The following ADGRD1 variants were observed in gnomAD, a reference collection of about 807,000 sequenced individuals.
ADGRD1 encodes the protein G-protein coupled receptor 133.
ADGRD1 carries 77 observed loss-of-function variants against 113.4 expected under a neutral mutation model. The ratio of observed to expected loss-of-function variants is 0.68; its 90% CI spans 0.57 to 0.82. ADGRD1 has a LOEUF of 0.82. Among genes scored for constraint, ADGRD1 ranks in the 40% least tolerant of loss-of-function variants. The pLI is 0.00. For missense variants in ADGRD1, 1,036 were observed against 1,139.1 expected (o/e 0.91, Z 1.30); for synonymous variants, 474 against 475.0 (o/e 1.00, Z 0.03).
chr12:131,017,298 CACACACACCCA>C (rs1878688007), intron 13 of ADGRD1, among the ~76,000 whole-genome samples: 1 of 148,562 alleles, frequency 6.7e-6, no homozygotes, highest in Non-Finnish European at 1.5e-5. Flanking sequence ...GCACACAGTC[CACACACACCCA>C]GTCCACACAC....
chr12:131,031,266 C>G (rs930839171), intron 13 of ADGRD1, among the ~76,000 whole-genome samples: 2 of 152,198 alleles, frequency 1.3e-5, no homozygotes, highest in Non-Finnish European at 2.9e-5. Flanking sequence ...TCTGGGGCAG[C>G]CTTGGGTACT....
intron 13 of ADGRD1, among the ~76,000 whole-genome samples, chr12:131,066,553 C>T (rs1566078746): frequency 6.6e-6 from 1 of 152,348 alleles, no homozygotes; most frequent in East Asian, 1.9e-4. Flanking sequence ...TGCCTGCCCC[C>T]GTTCAGGCTG....
At chr12:131,018,675 G>A (rs185280840) in intron 13 of ADGRD1, among the ~76,000 whole-genome samples, 1 of 152,338 alleles carries the variant, frequency 6.6e-6, no homozygotes, top group Non-Finnish European at 1.5e-5. Flanking sequence ...GGAGGGTTTT[G>A]CCTTTTACAC....
At chr12:131,046,952 TCCTCCCTGGTCAATGCTC>T (rs1177667391) in intron 13 of ADGRD1, among the ~76,000 whole-genome samples, 16 of 136,852 alleles carry the variant, frequency 1.2e-4, no homozygotes, top group African/African-American at 3.9e-4. Flanking sequence ...CTGGTCAGTG[TCCTCCCTGGTCAATGCTC>T]CCTCCCTGGT....
At chr12:130,982,186 G>A (rs1016125478) in intron 5 of ADGRD1, 123 bp downstream of exon 5, 143 of 821,308 alleles carry the variant, frequency 1.7e-4, no homozygotes, top group Middle Eastern at 3.8e-4. Flanking sequence ...CCTGGCACCC[G>A]AGCTCCTTTC....
At chr12:131,031,177 G>A (rs1264190656) in intron 13 of ADGRD1, among the ~76,000 whole-genome samples, 2 of 152,194 alleles carry the variant, frequency 1.3e-5, no homozygotes, top group African/African-American at 2.4e-5. Flanking sequence ...GGGTCCTGTC[G>A]AAGCTGCTCC....
intron 13 of ADGRD1, among the ~76,000 whole-genome samples, chr12:131,031,486 C>T (rs975147795): frequency 3.9e-5 from 6 of 152,164 alleles, no homozygotes; most frequent in African/African-American, 9.6e-5. Context: ...GCGGTTCTGT[C>T]GACGAGTCAC....
intron 3 of ADGRD1, chr12:130,967,078 C>G (rs1403333011): frequency 4.4e-6 from 2 of 454,768 alleles, no homozygotes; most frequent in African/African-American, 2.0e-5. Flanking sequence ...CGTCTGTTTT[C>G]TACGTTGAAT....
chr12:131,017,570 CCA>C (rs956743673), intron 13 of ADGRD1, among the ~76,000 whole-genome samples: 27 of 147,366 alleles, frequency 1.8e-4, no homozygotes, highest in African/African-American at 6.5e-4. Flanking sequence ...CACACTCAGT[CCA>C]CACACACTCA....
At chr12:131,082,437 G>A (rs537676202) in intron 14 of ADGRD1, among the ~76,000 whole-genome samples, 1 of 152,252 alleles carries the variant, frequency 6.6e-6, no homozygotes, top group South Asian at 2.1e-4. Flanking sequence ...CTACTCCTCT[G>A]GCTAACTAGG....
At chr12:131,026,543 T>C (rs1210313622) in intron 13 of ADGRD1, 2 of 152,246 alleles carry the variant, frequency 1.3e-5, no homozygotes, top group Admixed American at 1.3e-4. Context: ...TTCCCAGGCA[T>C]AGAGTGGAAT....
chr12:131,068,307 C>T (rs947752254), intron 13 of ADGRD1, among the ~76,000 whole-genome samples: 16 of 152,168 alleles, frequency 1.1e-4, no homozygotes, highest in Non-Finnish European at 2.2e-4. Context: ...CTGGAATGGT[C>T]AACTCTGGGC....
At chr12:131,101,377 C>CTTTCTTTTTTTTT (rs1950076237) in intron 15 of ADGRD1, among the ~76,000 whole-genome samples, 11 of 36,142 alleles carry the variant, frequency 3.0e-4, no homozygotes, top group African/African-American at 1.0e-3. Context: ...TTCTTTCTTT[C>CTTTCTTTTTTTTT]TTTTTTTTTT....
At chr12:131,043,798 C>T (rs1225000916) in intron 13 of ADGRD1, among the ~76,000 whole-genome samples, 4 of 152,290 alleles carry the variant, frequency 2.6e-5, no homozygotes, top group Admixed American at 6.5e-5. Context: ...GACTGGAGGG[C>T]GGGGCGCCCT....
At chr12:131,115,132 A>G (rs1176098771) in intron 18 of ADGRD1, among the ~76,000 whole-genome samples, 4 of 152,122 alleles carry the variant, frequency 2.6e-5, no homozygotes, top group Admixed American at 2.6e-4. Flanking sequence ...GCAATAACAA[A>G]CAGCTTCCAT....
chr12:131,073,268 G>C (rs1885321144), intron 13 of ADGRD1, among the ~76,000 whole-genome samples: 1 of 152,220 alleles, frequency 6.6e-6, no homozygotes, highest in Admixed American at 6.5e-5. Flanking sequence ...AAGAGATAGA[G>C]GCTGGTTCAA....
chr12:130,997,837 G>A (rs1388153182), intron 8 of ADGRD1, among the ~76,000 whole-genome samples: 2 of 152,198 alleles, frequency 1.3e-5, no homozygotes, highest in East Asian at 1.9e-4. Flanking sequence ...CGGCACTTTG[G>A]GAGGCCAAGG....
chr12:131,036,139 G>A (rs1566051270), intron 13 of ADGRD1, among the ~76,000 whole-genome samples: 1 of 152,162 alleles, frequency 6.6e-6, no homozygotes, highest in Non-Finnish European at 1.5e-5. Context: ...GTTCAGCCTT[G>A]CAGCGAGTCT....
chr12:130,979,968 G>A (rs527630930), intron 4 of ADGRD1, among the ~76,000 whole-genome samples: 1 of 152,296 alleles, frequency 6.6e-6, no homozygotes, highest in Admixed American at 6.5e-5. Context: ...AGAGGCCCAA[G>A]CTCCACAGAG....
Sources: gnomAD v4.1 joint callset for allele counts (sites outside exome capture counted in the v4.1 genomes callset) on GRCh38, gnomAD v4.1.1 for gene constraint, MANE v1.5 for transcripts, NCBI Gene and HGNC (gene_info 2026-07-23, HGNC 2026-07-21) for gene names.